The following SCN8A variants were observed in gnomAD, a reference collection of about 807,000 sequenced individuals.
SCN8A encodes sodium voltage-gated channel alpha subunit 8.
Under a neutral mutation model 184.1 loss-of-function variants are expected in SCN8A, and 30 were observed. That is an observed-to-expected ratio of 0.16 (90% CI 0.12 to 0.22). The LOEUF is 0.22. Ranked by LOEUF, SCN8A falls within the 10% of genes least tolerant of loss-of-function variation. The probability of loss-of-function intolerance (pLI) is 1.00; values close to 1 mark genes in which losing one functional copy is unlikely to be tolerated. For synonymous variants in SCN8A, 852 were observed against 907.0 expected (o/e 0.94, Z 1.09); for missense variants, 1,057 against 2,498.9 (o/e 0.42, Z 12.30).
intron 2 of SCN8A, among the ~76,000 whole-genome samples, chr12:51,669,246 T>C (rs1015103266): frequency 4.6e-5 from 7 of 152,244 alleles, no homozygotes; most frequent in Non-Finnish European, 1.0e-4. Flanking sequence ...TGTCTGACTA[T>C]AGTGGAAAGA....
intron 14 of SCN8A, among the ~76,000 whole-genome samples, chr12:51,753,709 A>G (rs1484259703): frequency 6.6e-6 from 1 of 152,240 alleles, no homozygotes; most frequent in Non-Finnish European, 1.5e-5. Context: ...TGTAAAGTTA[A>G]GATAATACCA....
intron 1 of SCN8A, among the ~76,000 whole-genome samples, chr12:51,594,975 CTG>C (rs1421803922): frequency 1.3e-5 from 2 of 152,074 alleles, no homozygotes; most frequent in African/African-American, 4.8e-5. Flanking sequence ...CCAAAAAAAA[CTG>C]TAATGTGAAA....
Position 51,780,199 on chromosome 12 carries a change from T to C in SCN8A, c.3820-450T>C, listed in dbSNP as rs1204386571. The C allele has an allele frequency of 6.6e-6, 3 of 456,156 alleles. No individual in the cohort carries two copies. In the East Asian group the frequency reaches 2.1e-4, roughly 32 times the overall value. 28.3% of individuals were successfully genotyped at this position (456,156 alleles called of 1,614,324 possible). A position where few individuals can be genotyped will look rare whatever the true frequency, so the allele number is the denominator to read the frequency against. ...GTGTATTTATCTGTATTCTTTTCCA[T>C]AGGTACCATTAAATTTGTCTGGCTT... On this transcript the variant is annotated intron_variant, in intron 20 of 26. Coordinates refer to ENST00000627620, the MANE Select transcript of SCN8A (RefSeq NM_001330260.2).
chr12:51,748,518 T>A (rs1465672290), intron 13 of SCN8A, among the ~76,000 whole-genome samples: 1 of 152,120 alleles, frequency 6.6e-6, no homozygotes, highest in Non-Finnish European at 1.5e-5. Flanking sequence ...ATAGTCTCAC[T>A]CTTCAAAGCA....
intron 12 of SCN8A, among the ~76,000 whole-genome samples, chr12:51,725,482 C>A (rs954192368): frequency 1.3e-5 from 2 of 152,074 alleles, no homozygotes; most frequent in Non-Finnish European, 2.9e-5. Context: ...ATATTGAGTT[C>A]TTATTATACT....
intron 1 of SCN8A, among the ~76,000 whole-genome samples, chr12:51,597,466 A>G (rs1156271643): frequency 6.6e-6 from 1 of 152,190 alleles, no homozygotes; most frequent in African/African-American, 2.4e-5. Context: ...TGGATCATCA[A>G]GCTTGTGAAT....
chr12:51,670,822 C>T lies in SCN8A; in HGVS notation c.276+7729C>T, dbSNP rs532594233. 2.6e-5 allele frequency among the ~76,000 whole-genome samples: 4 copies of T among 152,182 alleles called. No individual in the cohort carries two copies. The South Asian group carries it at 8.3e-4, about 32-fold the overall frequency. ...AGGGTTAAGGAAGGAATCGAGCATG[C>T]AATTATTCATTTGACAATTTGATAA... is the stretch of plus-strand genomic sequence containing the variant. On this transcript the variant is annotated intron_variant, in intron 2 of 26. Coordinates refer to ENST00000627620, the MANE Select transcript of SCN8A (RefSeq NM_001330260.2).
chr12:51,712,339 C>T, intron 11 of SCN8A: 2 of 596,310 alleles, frequency 3.4e-6, no homozygotes, highest in East Asian at 2.8e-5. Context: ...ATCCTTCCTT[C>T]TGTGGCAGAT....
At chr12:51,599,726 C>G (rs1939425026) in intron 1 of SCN8A, among the ~76,000 whole-genome samples, 1 of 151,986 alleles carries the variant, frequency 6.6e-6, no homozygotes, top group Non-Finnish European at 1.5e-5. Context: ...TTGATTTGTC[C>G]CAGCTGTGTA....
intron 25 of SCN8A, among the ~76,000 whole-genome samples, chr12:51,792,210 C>G (rs541698006): frequency 1.4e-4 from 21 of 150,886 alleles, no homozygotes; most frequent in African/African-American, 4.6e-4. Context: ...ACTGGCTGGG[C>G]ACGGTAGCTC....
At chr12:51,721,107 A>T (rs1446203495) in intron 11 of SCN8A, among the ~76,000 whole-genome samples, 1 of 102,250 alleles carries the variant, frequency 9.8e-6, no homozygotes, top group African/African-American at 4.2e-5. Flanking sequence ...ATATATATAT[A>T]ATATTTATTT....
intron 7 of SCN8A, 56 bp from the exon 8 acceptor site, chr12:51,701,088 T>C (rs2138738783): frequency 8.4e-7 from 1 of 1,190,094 alleles, no homozygotes; most frequent in South Asian, 1.2e-5. Context: ...TGTAACCTTA[T>C]TCTCTCATTC....
At chr12:51,746,761 C>T (rs1315490562) in intron 13 of SCN8A, among the ~76,000 whole-genome samples, 1 of 152,174 alleles carries the variant, frequency 6.6e-6, no homozygotes, top group South Asian at 2.1e-4. Context: ...CCACAGTCCC[C>T]CTAGCAAGAA....
chr12:51,639,495 G>A (rs1425958515), intron 1 of SCN8A, among the ~76,000 whole-genome samples: 2 of 152,006 alleles, frequency 1.3e-5, no homozygotes, highest in Admixed American at 6.6e-5. Context: ...GCTCACTGTA[G>A]CCTCGAACTC....
intron 21 of SCN8A, among the ~76,000 whole-genome samples, chr12:51,782,998 A>G (rs868575752): frequency 3.3e-5 from 5 of 152,258 alleles, no homozygotes; most frequent in South Asian, 2.1e-4. Flanking sequence ...GTAAGATAAT[A>G]TGGTCAAGAA....
intron 2 of SCN8A, among the ~76,000 whole-genome samples, chr12:51,677,801 A>G (rs1941250009): frequency 6.6e-6 from 1 of 152,224 alleles, no homozygotes. Context: ...CCTTGTGCTG[A>G]AACACATTCA....
At chr12:51,799,274 G>A (rs1938492651) in intron 26 of SCN8A, among the ~76,000 whole-genome samples, 1 of 152,150 alleles carries the variant, frequency 6.6e-6, no homozygotes. Flanking sequence ...AGCCCAATCA[G>A]GTGCATACCA....
At position 51,644,698 on chromosome 12, in the gene SCN8A, C is replaced by G. The variant is rs544410511; in HGVS notation, c.-54-18066C>G. On this transcript the variant is annotated intron_variant, in intron 1 of 26. Transcript: ENST00000627620. ...GGAGCGTCTCCGCCTGGCCGCCCAT[C>G]GTCTGGGATGTGAGGGGCCCCTCTG... 1.5e-3 allele frequency among the ~76,000 whole-genome samples: 220 copies of G among 151,254 alleles called. 1 individual carries two copies. Among genetic ancestry groups the G allele is most frequent in the Non-Finnish European group, 2.4e-3 (165 of 67,732 alleles).
At chr12:51,754,323 CT>C (rs35536426) in intron 14 of SCN8A, among the ~76,000 whole-genome samples, 104,710 of 144,616 alleles carry the variant, frequency 0.72, 39,823 homozygotes, top group East Asian at 0.89. Flanking sequence ...CAAAAAACTT[CT>C]TTTTTTTTTT....
Sources: allele counts gnomAD v4.1 joint callset (sites outside exome capture counted in the v4.1 genomes callset), GRCh38; gene constraint gnomAD v4.1.1; transcripts MANE v1.5; gene names NCBI Gene and HGNC (gene_info 2026-07-23, HGNC 2026-07-21).